GPR161: variants seen among roughly 807,000 people sequenced by gnomAD.
GPR161 encodes the protein G protein-coupled receptor 161, also known as G-protein coupled receptor RE2.
In GPR161, 25 loss-of-function variants were observed where a neutral mutation model predicts 39.2. That is an observed-to-expected ratio of 0.64 (90% CI 0.47 to 0.89). The LOEUF is 0.89. Ranked by LOEUF, GPR161 falls within the 40% of genes least tolerant of loss-of-function variation. The probability of loss-of-function intolerance (pLI) is 0.00; values close to 1 mark genes in which losing one functional copy is unlikely to be tolerated. For missense variants in GPR161, 547 were observed against 677.8 expected (o/e 0.81, Z 2.14); for synonymous variants, 286 against 276.6 (o/e 1.03, Z -0.34).
intron 1 of GPR161, 131 bp downstream of exon 1, chr1:168,136,608 C>G: frequency 1.6e-6 from 2 of 1,229,670 alleles, no homozygotes; most frequent in Non-Finnish European, 2.0e-6. Context: ...AGAAAGGGAG[C>G]GCCGTGGGGG....
Position 168,085,290 on chromosome 1 carries a change from TCTGGTCCCATCA to T in GPR161, c.*229_*240del. 1.7e-6 allele frequency: 1 copy of T among 586,082 alleles called. No homozygotes were observed. The highest frequency in any genetic ancestry group is 3.0e-6 in the Non-Finnish European group (1 of 328,670). The allele number at this position is 586,082 out of a possible 1,614,324, so 36.3% of individuals were successfully genotyped here. ...TGGTTTTTTTTTTGCTTTAGATGCT[TCTGGTCCCATCA>T]CTGGGACCTAAAAGAAGCTCACATG... On this transcript the variant is annotated 3_prime_UTR_variant, in exon 6 of 6. Transcript: ENST00000682931.
chr1:168,099,847 G>GC (rs1289077710), intron 2 of GPR161, among the ~76,000 whole-genome samples: 1 of 141,390 alleles, frequency 7.1e-6, no homozygotes, highest in Non-Finnish European at 1.5e-5. Context: ...GGGGGGGGGG[G>GC]GTTGGTGTGG....
At chr1:168,122,185 C>T (rs757933355) in intron 1 of GPR161, among the ~76,000 whole-genome samples, 5 of 151,974 alleles carry the variant, frequency 3.3e-5, no homozygotes, top group Non-Finnish European at 7.3e-5. Context: ...TCATTCCACG[C>T]GTGCCATCCC....
At position 168,136,826 on chromosome 1, in the gene GPR161, C is replaced by T; in HGVS notation, c.-132G>A. ...CCGCCGCCGCTTCCTTCCTCCCCGCCGCGCTCCGGGACTGGAGGTTTCGGG... is the reference window on the plus strand; with the variant it reads ...CCGCCGCCGCTTCCTTCCTCCCCGCTGCGCTCCGGGACTGGAGGTTTCGGG... On this transcript the variant is annotated 5_prime_UTR_variant, in exon 1 of 6. Coordinates refer to ENST00000682931, the MANE Select transcript of GPR161 (RefSeq NM_001375883.1). 1 of 985,004 alleles carries T rather than the reference C, an allele frequency of 1.0e-6. No homozygotes were observed. The highest frequency in any genetic ancestry group is 1.2e-6 in the Non-Finnish European group (1 of 829,978). 61.0% of individuals were successfully genotyped at this position (985,004 alleles called of 1,614,324 possible).
chr1:168,127,465 T>C (rs1698674745), intron 1 of GPR161, among the ~76,000 whole-genome samples: 2 of 151,782 alleles, frequency 1.3e-5, no homozygotes, highest in African/African-American at 4.8e-5. Context: ...GATTCGGTGA[T>C]GCAGTGAGAC....
intron 1 of GPR161, among the ~76,000 whole-genome samples, 182 bp from the exon 2 acceptor site, chr1:168,105,076 G>A (rs1696485769): frequency 6.6e-6 from 1 of 152,166 alleles, no homozygotes; most frequent in Admixed American, 6.5e-5. Flanking sequence ...CTACAACCAT[G>A]TGTGAAATTC....
In GPR161 at chr1:168,081,435, CCA is replaced by C. The variant is rs2102073195; in HGVS notation, c.*4094_*4095del. 1 of 152,320 alleles carries C rather than the reference CCA, an allele frequency of 6.6e-6. No individual in the cohort carries two copies. The highest frequency in any genetic ancestry group is 2.1e-4 in the South Asian group (1 of 4,818). The allele number at this position is 152,320 out of a possible 1,614,324, so 9.4% of individuals were successfully genotyped here. A position where few individuals can be genotyped will look rare whatever the true frequency, so the allele number is the denominator to read the frequency against. ...TATAAAAAGGAATAATACACCCTCCCCACAGAGATACTGTGAAGAAACACCAG... is the reference window on the plus strand; with the variant it reads ...TATAAAAAGGAATAATACACCCTCCCCAGAGATACTGTGAAGAAACACCAG... On this transcript the variant is annotated 3_prime_UTR_variant, in exon 6 of 6. Transcript: ENST00000682931.
chr1:168,137,495 G>A (rs377091393), upstream of GPR161: 6 of 1,038,114 alleles, frequency 5.8e-6, no homozygotes, highest in African/African-American at 7.9e-5. Flanking sequence ...GCCAGCCCCG[G>A]GGAGTGGGGA....
chr1:168,125,356 T>C (rs936841622), intron 1 of GPR161, among the ~76,000 whole-genome samples: 3 of 152,192 alleles, frequency 2.0e-5, no homozygotes, highest in Admixed American at 1.3e-4. Flanking sequence ...GGATTTAATA[T>C]GTTTTAAGCT....
intron 1 of GPR161, among the ~76,000 whole-genome samples, chr1:168,126,372 C>A (rs750261762): frequency 6.6e-6 from 1 of 152,238 alleles, no homozygotes. Flanking sequence ...ATGACCCTTA[C>A]CATCTCCTCC....
intron 2 of GPR161, 70 bp downstream of exon 2, chr1:168,104,407 C>G: frequency 1.5e-6 from 2 of 1,327,910 alleles, no homozygotes; most frequent in East Asian, 4.6e-5. Context: ...CTAAGGCAGT[C>G]AGAGGGACAC....
chr1:168,102,082 C>T (rs1185045324), intron 2 of GPR161, among the ~76,000 whole-genome samples: 7 of 152,178 alleles, frequency 4.6e-5, no homozygotes, highest in Admixed American at 6.5e-5. Flanking sequence ...GGATTACAGG[C>T]GTGAGCCACC....
chr1:168,104,594 G>A lies in GPR161; in HGVS notation c.257C>T (p.Thr86Met), dbSNP rs202017180. 9.9e-6 allele frequency: 16 copies of A among 1,613,800 alleles called. No individual in the cohort carries two copies. The highest frequency in any genetic ancestry group is 3.3e-5 in the Admixed American group (2 of 60,004). Residue 86 changes from threonine (T) to methionine (M), a missense_variant, in exon 2 of 6, where the codon ACG (threonine) becomes ATG (methionine). Coordinates refer to ENST00000682931, the MANE Select transcript of GPR161 (RefSeq NM_001375883.1). ...GATCCATTCCCTGCGGATGGAGCTC[G>A]TCACCACAAAAGGCAGCACCAACAC... ...LSVLVLPFVV[T>M]SSIRREWIFG... is the part of the protein sequence containing the mutation.
At chr1:168,118,210 A>G (rs1343220851) in intron 1 of GPR161, among the ~76,000 whole-genome samples, 2 of 152,254 alleles carry the variant, frequency 1.3e-5, no homozygotes, top group Admixed American at 6.5e-5. Flanking sequence ...CAACCCACAG[A>G]TCGGGTGAAA....
At chr1:168,111,333 C>T (rs2102198500) in intron 1 of GPR161, among the ~76,000 whole-genome samples, 1 of 152,228 alleles carries the variant, frequency 6.6e-6, no homozygotes, top group East Asian at 1.9e-4. Flanking sequence ...GATACAGATC[C>T]TGATTGGTCT....
At chr1:168,110,302 G>A (rs1011096526) in intron 1 of GPR161, among the ~76,000 whole-genome samples, 1 of 151,842 alleles carries the variant, frequency 6.6e-6, no homozygotes. Context: ...ACAGGAGTTC[G>A]AGACCACCCA....
At position 168,098,501 on chromosome 1, in the gene GPR161, C is replaced by T. The variant is rs752097120; in HGVS notation, c.375-1269G>A. ...GCCACACTGATGCCGCCTGGCAGGA[C>T]GTTGGGAAATGACTCTGGCTATGTG... On this transcript the variant is annotated intron_variant, in intron 2 of 5. Coordinates refer to ENST00000682931, the MANE Select transcript of GPR161 (RefSeq NM_001375883.1). The surrounding 1 kb of genome is among the most constrained non-coding windows in gnomAD (Gnocchi z 4.1). Among the ~76,000 whole-genome samples the T allele has an allele frequency of 6.6e-6, 1 of 152,226 alleles. No homozygotes were observed. The highest frequency in any genetic ancestry group is 1.5e-5 in the Non-Finnish European group (1 of 68,042).
chr1:168,099,836 T>TG (rs201115778), intron 2 of GPR161, among the ~76,000 whole-genome samples: 2,115 of 95,764 alleles, frequency 0.022, 55 homozygotes, highest in African/African-American at 0.038. Flanking sequence ...GTTTTTTTTT[T>TG]GGGGGGGGGG....
intron 1 of GPR161, among the ~76,000 whole-genome samples, chr1:168,106,420 T>C (rs1405457138): frequency 2.0e-5 from 3 of 152,186 alleles, no homozygotes; most frequent in Non-Finnish European, 4.4e-5. Flanking sequence ...AAACTGTCTC[T>C]ACAGAAAAAT....
Sources: allele counts gnomAD v4.1 joint callset (sites outside exome capture counted in the v4.1 genomes callset), GRCh38; gene constraint gnomAD v4.1.1; non-coding constraint Gnocchi (gnomAD v3.1); transcripts MANE v1.5; gene names NCBI Gene and HGNC (gene_info 2026-07-23, HGNC 2026-07-21).